The following RELN variants were observed in gnomAD, a reference collection of about 807,000 sequenced individuals.
RELN encodes reelin.
Under a neutral mutation model 427.6 loss-of-function variants are expected in RELN, and 108 were observed. The ratio of observed to expected loss-of-function variants is 0.25; its 90% CI spans 0.22 to 0.30. RELN has a LOEUF of 0.30. RELN is among the 10% of genes least tolerant of loss of function. RELN has a pLI of 1.00. For synonymous variants in RELN, 1,524 were observed against 1,513.4 expected, an observed-to-expected ratio of 1.01 and a Z score of -0.16; for missense variants, 3,715 against 4,302.8, an observed-to-expected ratio of 0.86 and a Z score of 3.82.
chr7:103,926,452 TTCA>T (rs771747047), intron 1 of RELN, among the ~76,000 whole-genome samples: 23 of 152,222 alleles, frequency 1.5e-4, no homozygotes, highest in Non-Finnish European at 2.9e-4. Context: ...CTTAAATATG[TTCA>T]TATTTGCAAC....
At chr7:103,586,085 C>G (rs1364233537) in intron 28 of RELN, among the ~76,000 whole-genome samples, 1 of 152,130 alleles carries the variant, frequency 6.6e-6, no homozygotes, top group African/African-American at 2.4e-5. Context: ...AAAAGCCAGG[C>G]CGGGCGTGAT....
At chr7:103,787,063 T>C (rs1057510653) in intron 3 of RELN, among the ~76,000 whole-genome samples, 11 of 152,120 alleles carry the variant, frequency 7.2e-5, no homozygotes, top group Non-Finnish European at 1.3e-4. Context: ...ACCTCACAAC[T>C]ACATGGAAAC....
intron 20 of RELN, among the ~76,000 whole-genome samples, chr7:103,618,558 T>C (rs887359657): frequency 1.3e-5 from 2 of 152,228 alleles, no homozygotes; most frequent in African/African-American, 4.8e-5. Context: ...CAAAAATCTT[T>C]TGGAATACAT....
intron 3 of RELN, among the ~76,000 whole-genome samples, chr7:103,825,396 A>G (rs905344467): frequency 2.0e-5 from 3 of 152,142 alleles, no homozygotes; most frequent in African/African-American, 7.2e-5. Flanking sequence ...TTTGGCTACC[A>G]TTGCCCATAA....
In RELN at chr7:103,701,739, C is replaced by T. The variant is rs149687355; in HGVS notation, c.806-733G>A. On this transcript the variant is annotated intron_variant, in intron 8 of 64. Transcript: ENST00000428762. ...CTACAATTTCAAAGCTCTCAGAATG[C>T]CCAAAACAGCCCTGAAACATTTGCC... Among the ~76,000 whole-genome samples the T allele has an allele frequency of 3.1e-3, 471 of 152,126 alleles. 3 individuals carry two copies. The highest frequency in any genetic ancestry group is 0.011 in the African/African-American group (439 of 41,516).
intron 8 of RELN, among the ~76,000 whole-genome samples, chr7:103,713,744 A>C (rs754440573): frequency 6.6e-6 from 1 of 151,926 alleles, no homozygotes; most frequent in Non-Finnish European, 1.5e-5. Flanking sequence ...CTACCTCCCC[A>C]AAATTAAGAA....
chr7:103,739,912 T>C (rs955292376), intron 6 of RELN, among the ~76,000 whole-genome samples: 1 of 152,114 alleles, frequency 6.6e-6, no homozygotes, highest in African/African-American at 2.4e-5. Context: ...CAGAACAGTC[T>C]CCATGCCCTC....
chr7:103,678,858 G>T (rs74693545), intron 11 of RELN, among the ~76,000 whole-genome samples: 1,583 of 152,278 alleles, frequency 0.01, 25 homozygotes, highest in African/African-American at 0.036. Flanking sequence ...TATGTTTTCT[G>T]TCTGTTTTAG....
At chr7:103,499,767 A>C (rs1828962181) in intron 53 of RELN, among the ~76,000 whole-genome samples, 1 of 152,218 alleles carries the variant, frequency 6.6e-6, no homozygotes, top group African/African-American at 2.4e-5. Flanking sequence ...AGAAGATTTT[A>C]ATCAGGGTTT....
intron 24 of RELN, among the ~76,000 whole-genome samples, chr7:103,600,090 C>T (rs573309775): frequency 1.6e-4 from 24 of 152,156 alleles, no homozygotes; most frequent in African/African-American, 3.6e-4. Context: ...TAGAGACAGG[C>T]TCTTGCCATG....
At chr7:103,864,187 T>A (rs967206472) in intron 2 of RELN, among the ~76,000 whole-genome samples, 13 of 152,224 alleles carry the variant, frequency 8.5e-5, no homozygotes, top group African/African-American at 3.1e-4. Flanking sequence ...AACACACCTA[T>A]AATGCAACTT....
intron 19 of RELN, among the ~76,000 whole-genome samples, chr7:103,630,860 G>GTTTTTTTTTTTTTTTTTTTTTT (rs1224190919): frequency 7.4e-6 from 1 of 134,508 alleles, no homozygotes; most frequent in African/African-American, 2.9e-5. Context: ...TGTTTTTTTT[G>GTTTTTTTTTTTTTTTTTTTTTT]TTTTTTTTTT....
At chr7:103,487,632 A>C (rs532242840) in intron 60 of RELN, among the ~76,000 whole-genome samples, 1 of 152,356 alleles carries the variant, frequency 6.6e-6, no homozygotes, top group Admixed American at 6.5e-5. Flanking sequence ...TGTTGTTTAA[A>C]TACCACAGCA....
chr7:103,795,165 T>A (rs1792269905), intron 3 of RELN, among the ~76,000 whole-genome samples: 2 of 152,216 alleles, frequency 1.3e-5, no homozygotes, highest in Admixed American at 6.5e-5. Context: ...ATAACAAGCT[T>A]CCTGCATTGC....
At chr7:103,618,480 T>C (rs1832135429) in intron 20 of RELN, among the ~76,000 whole-genome samples, 1 of 152,244 alleles carries the variant, frequency 6.6e-6, no homozygotes, top group Non-Finnish European at 1.5e-5. Flanking sequence ...AAAATGTCTT[T>C]ATGGATTTCT....
rs1829384315 is a variant in RELN, at chr7:103,510,862, T to C, written c.8263A>G (p.Met2755Val). 1 of 1,613,298 alleles carries C rather than the reference T, an allele frequency of 6.2e-7. No individual in the cohort carries two copies. The highest frequency in any genetic ancestry group is 8.5e-7 in the Non-Finnish European group (1 of 1,179,412). The change falls in exon 51 of 65, where the codon ATG becomes GTG. Residue 2755 changes from methionine (M) to valine (V), a missense_variant. By Grantham distance (21) the Met-to-Val change is conservative. Transcript: ENST00000428762. Reference sequence around the variant, plus strand: ...TCATAACATTTCACCTTGAATTGCATAATCCAGCCTTCAGTGGGAGTCAGG... The same window carrying C: ...TCATAACATTTCACCTTGAATTGCACAATCCAGCCTTCAGTGGGAGTCAGG... ...HDLTPTEGWI[M>V]QFKISVGCKV...
intron 31 of RELN, among the ~76,000 whole-genome samples, 166 bp downstream of exon 31, chr7:103,572,018 T>TA (rs1233757459): frequency 6.6e-6 from 1 of 152,202 alleles, no homozygotes; most frequent in Non-Finnish European, 1.5e-5. Context: ...CAAGAAATCT[T>TA]AGAGATCTTG....
chr7:103,654,862 G>A (rs1584380648), intron 12 of RELN, among the ~76,000 whole-genome samples: 1 of 152,174 alleles, frequency 6.6e-6, no homozygotes, highest in Admixed American at 6.6e-5. Flanking sequence ...GGTACTGAAT[G>A]ACAGAGCAGG....
At chr7:103,572,140 C>T (rs1210688627) in intron 31 of RELN, 44 bp downstream of exon 31, 2 of 1,121,386 alleles carry the variant, frequency 1.8e-6, no homozygotes, top group Admixed American at 1.7e-5. Context: ...AAGGACTAAT[C>T]TGCCAATAGT....
Sources: allele counts gnomAD v4.1 joint callset (sites outside exome capture counted in the v4.1 genomes callset), GRCh38; gene constraint gnomAD v4.1.1; transcripts MANE v1.5; gene names NCBI Gene and HGNC (gene_info 2026-07-23, HGNC 2026-07-21).